The following BBS9 variants were observed in gnomAD, a reference collection of about 807,000 sequenced individuals.
The protein encoded by BBS9 is Bardet-Biedl syndrome 9.
BBS9 carries 89 observed loss-of-function variants against 117.7 expected under a neutral mutation model. The ratio of observed to expected loss-of-function variants is 0.76; its 90% CI spans 0.64 to 0.90. The LOEUF is 0.90. Ranked by LOEUF, BBS9 falls within the 40% of genes least tolerant of loss-of-function variation. The probability of loss-of-function intolerance (pLI) is 0.00; values close to 1 mark genes in which losing one functional copy is unlikely to be tolerated. For synonymous variants in BBS9, 379 were observed against 370.9 expected, an observed-to-expected ratio of 1.02 and a Z score of -0.25; for missense variants, 982 against 1,042.2, an observed-to-expected ratio of 0.94 and a Z score of 0.80.
intron 7 of BBS9, among the ~76,000 whole-genome samples, chr7:33,267,299 T>G (rs1798991983): frequency 6.6e-6 from 1 of 152,206 alleles, no homozygotes; most frequent in African/African-American, 2.4e-5. Context: ...GTTTGTCCCT[T>G]TATACTTCAA....
intron 20 of BBS9, among the ~76,000 whole-genome samples, chr7:33,516,769 G>A (rs1309764236): frequency 6.6e-6 from 1 of 152,180 alleles, no homozygotes; most frequent in Non-Finnish European, 1.5e-5. Flanking sequence ...TCAAGACTGA[G>A]TCTCTATTGG....
At chr7:33,503,754 A>T (rs2129013895) in intron 19 of BBS9, among the ~76,000 whole-genome samples, 1 of 151,754 alleles carries the variant, frequency 6.6e-6, no homozygotes, top group South Asian at 2.1e-4. Flanking sequence ...AGGAAGAAAA[A>T]GAGTATAAAC....
At chr7:33,383,878 A>G in intron 18 of BBS9, 40 bp downstream of exon 18, 1 of 1,584,638 alleles carries the variant, frequency 6.3e-7, no homozygotes, top group African/African-American at 1.3e-5. Flanking sequence ...TAATCCTTAA[A>G]TATATGAAAG....
chr7:33,436,868 A>G (rs1323521917), intron 19 of BBS9, among the ~76,000 whole-genome samples: 1 of 152,258 alleles, frequency 6.6e-6, no homozygotes, highest in Non-Finnish European at 1.5e-5. Context: ...GAATTTACTT[A>G]AGCATGGAAT....
At chr7:33,146,100 G>T (rs544818209) in intron 1 of BBS9, 142 bp from the exon 2 acceptor site, 30 of 617,994 alleles carry the variant, frequency 4.9e-5, no homozygotes, top group South Asian at 4.8e-4. Context: ...TGGATTTGTG[G>T]TTTCAAATAT....
At chr7:33,444,711 G>A (rs919370361) in intron 19 of BBS9, among the ~76,000 whole-genome samples, 2 of 152,190 alleles carry the variant, frequency 1.3e-5, no homozygotes, top group African/African-American at 4.8e-5. Flanking sequence ...GTGATCTTAA[G>A]TAAGAGCCCA....
intron 5 of BBS9, among the ~76,000 whole-genome samples, chr7:33,231,428 CTT>C (rs35407590): frequency 4.0e-3 from 425 of 106,344 alleles, no homozygotes; most frequent in African/African-American, 0.012. Context: ...GCCTATGTGT[CTT>C]TTTTTTTTTT....
In BBS9 at chr7:33,526,022, G is replaced by C. The variant is rs1849437172; in HGVS notation, c.2299-7932G>C. ...TTCACTTATGAAGCTTAGTGTGGCT[G>C]GATATGAAATTCTGGGTTGAAAATT... On this transcript the variant is annotated intron_variant, in intron 20 of 22. Coordinates refer to ENST00000242067, the MANE Select transcript of BBS9 (RefSeq NM_198428.3). Among the ~76,000 whole-genome samples, 5 of 151,664 alleles carry C rather than the reference G, an allele frequency of 3.3e-5. No individual in the cohort carries two copies. In the South Asian group the frequency reaches 1.0e-3, roughly 32 times the overall value.
intron 19 of BBS9, among the ~76,000 whole-genome samples, chr7:33,495,446 A>C (rs537081951): frequency 3.3e-5 from 5 of 152,324 alleles, no homozygotes; most frequent in Admixed American, 3.3e-4. Context: ...CTAAACTTAG[A>C]AACTATTCAG....
chr7:33,353,444 G>A lies in BBS9; in HGVS notation c.1552+571G>A, dbSNP rs189485145. Among the ~76,000 whole-genome samples, 14 of 152,178 alleles carry A rather than the reference G, an allele frequency of 9.2e-5. No individual in the cohort carries two copies. The East Asian group carries it at 2.7e-3, about 29-fold the overall frequency. ...TTCCCCAAATCTTTTGTTTGACTCTGCTATGATTCTGATCACAATATGAAC... is the reference window on the plus strand; with the variant it reads ...TTCCCCAAATCTTTTGTTTGACTCTACTATGATTCTGATCACAATATGAAC... On this transcript the variant is annotated intron_variant, in intron 15 of 22. Transcript: ENST00000242067.
intron 21 of BBS9, among the ~76,000 whole-genome samples, chr7:33,629,923 A>C (rs997705938): frequency 6.6e-6 from 1 of 152,224 alleles, no homozygotes; most frequent in African/African-American, 2.4e-5. Flanking sequence ...CTGTGTAAAT[A>C]TTTAAAAGAC....
chr7:33,481,184 T>C (rs1842471402), intron 19 of BBS9, among the ~76,000 whole-genome samples: 1 of 152,136 alleles, frequency 6.6e-6, no homozygotes, highest in South Asian at 2.1e-4. Flanking sequence ...GAAGGACTTA[T>C]TGGCAGAAGG....
intron 5 of BBS9, among the ~76,000 whole-genome samples, chr7:33,194,597 C>G (rs1484234872): frequency 6.6e-6 from 1 of 152,054 alleles, no homozygotes; most frequent in Non-Finnish European, 1.5e-5. Flanking sequence ...TTCAGCAGTT[C>G]AGTTGTTTGA....
chr7:33,185,181 A>C (rs1247648528), intron 5 of BBS9, among the ~76,000 whole-genome samples: 1 of 152,114 alleles, frequency 6.6e-6, no homozygotes, highest in East Asian at 1.9e-4. Context: ...TCTTTACTAC[A>C]TACTGTTTTA....
intron 21 of BBS9, among the ~76,000 whole-genome samples, chr7:33,598,235 A>G (rs904957531): frequency 4.3e-4 from 65 of 152,180 alleles, no homozygotes; most frequent in African/African-American, 1.5e-3. Context: ...TTATGGGAAA[A>G]AAAAAAAAAC....
At chr7:33,169,135 T>C (rs1311345430) in intron 4 of BBS9, among the ~76,000 whole-genome samples, 7 of 145,930 alleles carry the variant, frequency 4.8e-5, no homozygotes, top group African/African-American at 1.8e-4. Context: ...ACAAAGGACA[T>C]GAACTCATCA....
intron 21 of BBS9, among the ~76,000 whole-genome samples, chr7:33,601,057 A>G (rs902940873): frequency 6.6e-6 from 1 of 152,184 alleles, no homozygotes; most frequent in Non-Finnish European, 1.5e-5. Context: ...GGGCCAGTAG[A>G]AGAAAAGCAC....
chr7:33,165,450 T>A (rs1795526735), intron 4 of BBS9, among the ~76,000 whole-genome samples: 1 of 152,152 alleles, frequency 6.6e-6, no homozygotes, highest in African/African-American at 2.4e-5. Flanking sequence ...ATTCTCCCCA[T>A]CACTTTCAGG....
chr7:33,344,761 T>C, intron 12 of BBS9, 127 bp downstream of exon 12: 1 of 1,001,574 alleles, frequency 1.0e-6, no homozygotes, highest in Non-Finnish European at 1.6e-6. Context: ...TGTAGATTTT[T>C]CCCCAGCCTT....
Sources: gnomAD v4.1 joint callset for allele counts (sites outside exome capture counted in the v4.1 genomes callset) on GRCh38, gnomAD v4.1.1 for gene constraint, MANE v1.5 for transcripts, NCBI Gene and HGNC (gene_info 2026-07-23, HGNC 2026-07-21) for gene names.